Variants in PDE8B observed in about 807,000 individuals in gnomAD.
PDE8B encodes phosphodiesterase 8B.
In PDE8B, 26 loss-of-function variants were observed where a neutral mutation model predicts 101.3. The observed-to-expected ratio is 0.26, with a 90% CI of 0.19 to 0.36. The LOEUF (loss-of-function observed/expected upper bound fraction) is 0.36. Ranked by LOEUF, PDE8B falls within the 10% of genes least tolerant of loss-of-function variation. The pLI, the probability that PDE8B is intolerant of heterozygous loss-of-function variation, is 1.00. For missense variants in PDE8B, 810 were observed against 1,163.1 expected, an observed-to-expected ratio of 0.70 and a Z score of 4.42; for synonymous variants, 424 against 429.3, an observed-to-expected ratio of 0.99 and a Z score of 0.15.
chr5:77,178,931 A>G, the PDE8B span, among the ~76,000 whole-genome samples: 2 of 152,248 alleles, frequency 1.3e-5, no homozygotes, highest in Non-Finnish European at 2.9e-5. Flanking sequence ...AAAGCCAGCA[A>G]GAGAAAGCCT....
chr5:77,224,989 A>G (rs892531885), intron 1 of PDE8B, among the ~76,000 whole-genome samples: 1 of 151,886 alleles, frequency 6.6e-6, no homozygotes. Context: ...AGACTACTTT[A>G]TAGGTAGTGT....
At chr5:77,396,352 A>G (rs1380765579) in intron 10 of PDE8B, among the ~76,000 whole-genome samples, 1 of 152,160 alleles carries the variant, frequency 6.6e-6, no homozygotes, top group Non-Finnish European at 1.5e-5. Flanking sequence ...CCCACATTTG[A>G]GCTTGGTGCA....
At chr5:77,115,444 A>G in the PDE8B span, 1 of 152,252 alleles carries the variant, frequency 6.6e-6, no homozygotes, top group African/African-American at 2.4e-5. Flanking sequence ...AGAAAGGAAT[A>G]TAAGGCAGAG....
intron 1 of PDE8B, among the ~76,000 whole-genome samples, chr5:77,224,861 T>C (rs1751973918): frequency 6.6e-6 from 1 of 152,238 alleles, no homozygotes; most frequent in Admixed American, 6.5e-5. Flanking sequence ...TGGACTTTGC[T>C]GATTACATTC....
chr5:77,355,085 A>G (rs1337028489), intron 10 of PDE8B, among the ~76,000 whole-genome samples: 1 of 152,228 alleles, frequency 6.6e-6, no homozygotes, highest in Non-Finnish European at 1.5e-5. Context: ...TGAATGTCTC[A>G]GTCCTGGCCT....
At chr5:77,229,309 A>T (rs1310850455) in intron 1 of PDE8B, among the ~76,000 whole-genome samples, 2 of 152,218 alleles carry the variant, frequency 1.3e-5, no homozygotes, top group Admixed American at 6.5e-5. Context: ...AACCTAGACC[A>T]AAGGTGGGAC....
chr5:77,102,723 A>G, the PDE8B span, among the ~76,000 whole-genome samples: 2 of 151,962 alleles, frequency 1.3e-5, no homozygotes, highest in Non-Finnish European at 2.9e-5. Context: ...TGGGGAAACA[A>G]TCTGGTCTGG....
the PDE8B span, among the ~76,000 whole-genome samples, chr5:77,203,259 C>T: frequency 1.3e-5 from 2 of 152,216 alleles, no homozygotes; most frequent in African/African-American, 4.8e-5. Flanking sequence ...CAAATACTGC[C>T]CTTTCTTCCA....
At chr5:77,220,256 C>T (rs1475239828) in intron 1 of PDE8B, among the ~76,000 whole-genome samples, 1 of 152,184 alleles carries the variant, frequency 6.6e-6, no homozygotes, top group African/African-American at 2.4e-5. Flanking sequence ...CTGTCAAACC[C>T]TGGGACTGGC....
At chr5:77,307,050 A>C (rs573846235) in intron 1 of PDE8B, among the ~76,000 whole-genome samples, 2 of 152,218 alleles carry the variant, frequency 1.3e-5, no homozygotes, top group East Asian at 1.9e-4. Context: ...CTTTGCTCAA[A>C]CACCTGCAAT....
intron 1 of PDE8B, among the ~76,000 whole-genome samples, chr5:77,300,572 G>C (rs757186569): frequency 1.3e-5 from 2 of 152,144 alleles, no homozygotes; most frequent in Non-Finnish European, 2.9e-5. Context: ...AATAATACAA[G>C]GAAGAAATAT....
At chr5:77,091,670 TAAAAA>T in the PDE8B span, among the ~76,000 whole-genome samples, 1,730 of 152,034 alleles carry the variant, frequency 0.011, 27 homozygotes, top group African/African-American at 0.039. Flanking sequence ...AATAAATAAA[TAAAAA>T]AGAAAAGTAA....
chr5:77,149,187 G>A, the PDE8B span, among the ~76,000 whole-genome samples: 7 of 152,066 alleles, frequency 4.6e-5, no homozygotes, highest in East Asian at 1.9e-4. Context: ...AAATGCAAGC[G>A]TTTATATCTG....
chr5:77,393,642 A>G (rs1325408307), intron 10 of PDE8B, among the ~76,000 whole-genome samples: 2 of 152,254 alleles, frequency 1.3e-5, no homozygotes, highest in Non-Finnish European at 2.9e-5. Context: ...GTTATTAGTC[A>G]TATAGGCTTC....
intron 1 of PDE8B, among the ~76,000 whole-genome samples, chr5:77,234,416 G>T (rs1561389158): frequency 1.3e-5 from 2 of 152,060 alleles, no homozygotes; most frequent in East Asian, 3.9e-4. Flanking sequence ...GAGAGAAGGG[G>T]CCCTCCTCCC....
Position 77,426,506 on chromosome 5 carries a change from A to G in PDE8B, c.2610A>G (p.Thr870=), listed in dbSNP as rs1040432300. 2 of 1,613,898 alleles carry G rather than the reference A, an allele frequency of 1.2e-6. No individual in the cohort carries two copies. The highest frequency in any genetic ancestry group is 1.3e-5 in the African/African-American group (1 of 75,044). Residue 870 remains threonine (T), a synonymous_variant, in exon 22 of 22, where the codon ACA becomes ACG. Coordinates refer to ENST00000264917, the MANE Select transcript of PDE8B (RefSeq NM_003719.5). ...HLADNYKHWK[T]LDDLKCKSLR... ...CTGACAACTACAAACACTGGAAGACACTAGATGACCTAAAGTGCAAAAGTT... is the reference window on the plus strand; with the variant it reads ...CTGACAACTACAAACACTGGAAGACGCTAGATGACCTAAAGTGCAAAAGTT...
At chr5:77,136,589 A>G in the PDE8B span, among the ~76,000 whole-genome samples, 6 of 152,078 alleles carry the variant, frequency 3.9e-5, no homozygotes, top group Non-Finnish European at 8.8e-5. Context: ...GAAAACTGTC[A>G]CCCTCCTTGG....
At chr5:77,311,934 G>C (rs1318847611) in intron 1 of PDE8B, 60 bp from the exon 2 acceptor site, 1 of 1,290,532 alleles carries the variant, frequency 7.7e-7, no homozygotes, top group Non-Finnish European at 1.1e-6. Flanking sequence ...GCGTAAGGAA[G>C]GATGTATCCA....
the PDE8B span, among the ~76,000 whole-genome samples, chr5:77,190,651 A>C: frequency 6.6e-6 from 1 of 152,176 alleles, no homozygotes; most frequent in African/African-American, 2.4e-5. Flanking sequence ...GGCCCTGGTA[A>C]GGTCTGACTG....
Sources: gnomAD v4.1 joint callset for allele counts (sites outside exome capture counted in the v4.1 genomes callset) on GRCh38, gnomAD v4.1.1 for gene constraint, MANE v1.5 for transcripts, NCBI Gene and HGNC (gene_info 2026-07-23, HGNC 2026-07-21) for gene names.